KLHL32: variants seen among roughly 807,000 people sequenced by gnomAD.
KLHL32 encodes the protein kelch like family member 32, also known as kelch-like protein 32.
In KLHL32, 35 loss-of-function variants were observed where a neutral mutation model predicts 64.8. The ratio of observed to expected loss-of-function variants is 0.54; its 90% confidence interval spans 0.41 to 0.72. KLHL32 has a LOEUF of 0.72. Among genes scored for constraint, KLHL32 ranks in the 30% least tolerant of loss-of-function variants. The pLI, the probability that KLHL32 is intolerant of heterozygous loss-of-function variation, is 0.00. For missense variants in KLHL32, 589 were observed against 768.5 expected, an observed-to-expected ratio of 0.77 and a Z score of 2.76; for synonymous variants, 259 against 281.0, an observed-to-expected ratio of 0.92 and a Z score of 0.78.
intron 3 of KLHL32, among the ~76,000 whole-genome samples, chr6:97,015,295 T>G (rs1420904716): frequency 6.6e-6 from 1 of 152,090 alleles, no homozygotes; most frequent in Admixed American, 6.6e-5. Flanking sequence ...TGGAAGCAAC[T>G]TTGGATAACA....
chr6:96,977,216 A>G (rs1423987338), intron 3 of KLHL32, among the ~76,000 whole-genome samples: 1 of 152,210 alleles, frequency 6.6e-6, no homozygotes, highest in South Asian at 2.1e-4. Context: ...ATATATATAC[A>G]TATTATTAAA....
rs568961865 is a variant in KLHL32, at chr6:96,988,905, G to A, written c.204+12728G>A. ...CACTCACAGGTGGGAATTGAACAAT[G>A]AGAACACATGGAGACAGGAAGGGGA... On this transcript the variant is annotated intron_variant, in intron 3 of 10. Transcript: ENST00000369261. Among the ~76,000 whole-genome samples the A allele has an allele frequency of 6.6e-5, 10 of 152,078 alleles. No individual in the cohort carries two copies. The South Asian group carries it at 2.1e-3, about 32-fold the overall frequency.
intron 4 of KLHL32, chr6:97,062,402 T>C (rs1340550169): frequency 6.6e-6 from 1 of 152,240 alleles, no homozygotes; most frequent in Admixed American, 6.5e-5. Context: ...ATTTCGTGAA[T>C]GTCAGTCAAA....
At chr6:97,032,273 T>TC (rs1235220582) in intron 3 of KLHL32, among the ~76,000 whole-genome samples, 1 of 152,258 alleles carries the variant, frequency 6.6e-6, no homozygotes. Flanking sequence ...GTCTCTTTTT[T>TC]CCCTCTACAA....
At chr6:96,916,246 T>G in the KLHL32 span, among the ~76,000 whole-genome samples, 1 of 152,222 alleles carries the variant, frequency 6.6e-6, no homozygotes, top group Non-Finnish European at 1.5e-5. Flanking sequence ...GAAATATGGC[T>G]GCTAGGATTG....
intron 1 of KLHL32, among the ~76,000 whole-genome samples, chr6:96,965,178 C>A (rs941743397): frequency 2.0e-5 from 3 of 152,154 alleles, no homozygotes; most frequent in African/African-American, 7.2e-5. Flanking sequence ...ACAAGATTTT[C>A]TTCTTTTTTA....
chr6:97,036,652 G>A (rs1784334303), intron 3 of KLHL32, among the ~76,000 whole-genome samples: 1 of 152,210 alleles, frequency 6.6e-6, no homozygotes, highest in African/African-American at 2.4e-5. Flanking sequence ...TGTGAGGAAT[G>A]TGCAGGGGCA....
intron 4 of KLHL32, among the ~76,000 whole-genome samples, chr6:97,061,516 C>T (rs889592661): frequency 6.6e-6 from 1 of 152,166 alleles, no homozygotes; most frequent in Non-Finnish European, 1.5e-5. Flanking sequence ...CACATTAGCT[C>T]CTATTCCCAC....
intron 1 of KLHL32, among the ~76,000 whole-genome samples, chr6:96,942,501 G>T (rs1771418715): frequency 6.6e-6 from 1 of 152,060 alleles, no homozygotes; most frequent in African/African-American, 2.4e-5. Context: ...GTTGTTCTCT[G>T]GTTATCTTAT....
intron 3 of KLHL32, among the ~76,000 whole-genome samples, chr6:97,028,713 A>T (rs1783084136): frequency 6.6e-6 from 1 of 152,166 alleles, no homozygotes; most frequent in African/African-American, 2.4e-5. Context: ...GGATTGTGCC[A>T]TTGGCTGCCA....
In KLHL32 at chr6:97,108,990, T is replaced by G. The variant is rs534636024; in HGVS notation, c.628-4793T>G. Among the ~76,000 whole-genome samples the G allele has an allele frequency of 1.1e-4, 16 of 152,350 alleles. No homozygotes were observed. In the East Asian group the frequency reaches 3.1e-3, roughly 29 times the overall value. On this transcript the variant is annotated intron_variant, in intron 6 of 10. Coordinates refer to ENST00000369261, the MANE Select transcript of KLHL32 (RefSeq NM_052904.4). Reference sequence around the variant, plus strand: ...CAGCTTCGTAGAGTAACTAAATTCATGACAGCCTGATAGGAGAATACTGTT... The same window carrying G: ...CAGCTTCGTAGAGTAACTAAATTCAGGACAGCCTGATAGGAGAATACTGTT...
At chr6:97,054,006 A>G (rs1562284371) in intron 4 of KLHL32, among the ~76,000 whole-genome samples, 1 of 152,074 alleles carries the variant, frequency 6.6e-6, no homozygotes, top group Non-Finnish European at 1.5e-5. Flanking sequence ...CTTAAAATAG[A>G]ATTCTTGAGC....
intron 3 of KLHL32, among the ~76,000 whole-genome samples, chr6:96,979,364 G>C (rs1343294119): frequency 5.3e-5 from 8 of 152,132 alleles, no homozygotes; most frequent in Non-Finnish European, 2.9e-5. Flanking sequence ...CATATGGCTA[G>C]CCAGTTATTT....
At chr6:97,004,399 A>G (rs1399244185) in intron 3 of KLHL32, among the ~76,000 whole-genome samples, 1 of 152,092 alleles carries the variant, frequency 6.6e-6, no homozygotes, top group Non-Finnish European at 1.5e-5. Flanking sequence ...AGGTTTTCTA[A>G]GTATATAGTC....
At chr6:97,095,188 A>C (rs1248071728) in intron 6 of KLHL32, among the ~76,000 whole-genome samples, 2 of 152,236 alleles carry the variant, frequency 1.3e-5, no homozygotes, top group African/African-American at 4.8e-5. Context: ...TGCTTAGTTA[A>C]GTGGCAAACA....
At chr6:97,097,633 CT>C (rs11361496) in intron 6 of KLHL32, among the ~76,000 whole-genome samples, 76,678 of 150,448 alleles carry the variant, frequency 0.51, 19,540 homozygotes, top group Middle Eastern at 0.6. Flanking sequence ...CTTTCTCTGC[CT>C]TTTTTTTTTC....
chr6:97,071,520 C>T (rs1340464837), intron 5 of KLHL32, among the ~76,000 whole-genome samples: 1 of 152,116 alleles, frequency 6.6e-6, no homozygotes, highest in East Asian at 1.9e-4. Flanking sequence ...GGGTTACTGA[C>T]TCCAGCCCTC....
chr6:96,999,853 C>T (rs1001834597), intron 3 of KLHL32, among the ~76,000 whole-genome samples: 9 of 152,044 alleles, frequency 5.9e-5, no homozygotes, highest in African/African-American at 1.2e-4. Flanking sequence ...AGACATTTAC[C>T]GAGCGTCTAC....
intron 4 of KLHL32, among the ~76,000 whole-genome samples, chr6:97,045,173 A>G (rs1436371838): frequency 6.6e-6 from 1 of 152,230 alleles, no homozygotes; most frequent in Middle Eastern, 3.2e-3. Context: ...AAAGTATAAC[A>G]GGAGAAAGAA....
Sources: gnomAD v4.1 joint callset for allele counts (sites outside exome capture counted in the v4.1 genomes callset) on GRCh38, gnomAD v4.1.1 for gene constraint, MANE v1.5 for transcripts, NCBI Gene and HGNC (gene_info 2026-07-23, HGNC 2026-07-21) for gene names.